The following LMTK2 variants were observed in gnomAD, a reference collection of about 807,000 sequenced individuals.
LMTK2 encodes the protein serine/threonine-protein kinase LMTK2.
Under a neutral mutation model 127.5 loss-of-function variants are expected in LMTK2, and 37 were observed. The observed-to-expected ratio is 0.29, with a 90% CI of 0.22 to 0.38. The LOEUF (loss-of-function observed/expected upper bound fraction) is 0.38, where lower values mean the gene tolerates loss of function less well. LMTK2 is among the 10% of genes least tolerant of loss of function. The pLI is 1.00. For missense variants in LMTK2, 1,694 were observed against 1,920.3 expected, an observed-to-expected ratio of 0.88 and a Z score of 2.20; for synonymous variants, 819 against 810.1, an observed-to-expected ratio of 1.01 and a Z score of -0.19.
intron 7 of LMTK2, among the ~76,000 whole-genome samples, chr7:98,182,787 A>G (rs1479779731): frequency 6.6e-6 from 1 of 152,276 alleles, no homozygotes; most frequent in Non-Finnish European, 1.5e-5. Context: ...TTGTACACCC[A>G]TGTTCATACC....
chr7:98,154,861 A>C lies in LMTK2; in HGVS notation c.554A>C (p.Asn185Thr). 1 of 1,599,998 alleles carries C rather than the reference A, an allele frequency of 6.3e-7. No homozygotes were observed. The highest frequency in any genetic ancestry group is 1.1e-5 in the South Asian group (1 of 90,838). ...AAGGAACAAGATACTTTTTTGAAAA[A>C]TGGAGAACCTTACTAGTAAGTAAAC... ...NPKEQDTFLK[N>T]GEPYYILQHP... Residue 185 changes from asparagine (N) to threonine (T), a missense_variant, in exon 5 of 14, where the codon AAT (asparagine) becomes ACT (threonine). Around this residue, in one of 8 missense-constraint regions of LMTK2, gnomAD observed 203 missense variants for 226.2 expected, o/e 0.90. Coordinates refer to ENST00000297293, the MANE Select transcript of LMTK2 (RefSeq NM_014916.4).
At chr7:98,170,913 C>T (rs1024012646) in intron 6 of LMTK2, among the ~76,000 whole-genome samples, 1 of 152,128 alleles carries the variant, frequency 6.6e-6, no homozygotes, top group East Asian at 1.9e-4. Flanking sequence ...GCTCAGGTTG[C>T]TCCCCTTTGA....
rs1375009772 is a variant in LMTK2, at chr7:98,206,276, G to C, written c.*784G>C. 1 of 152,268 alleles carries C rather than the reference G, an allele frequency of 6.6e-6. No individual in the cohort carries two copies. The highest frequency in any genetic ancestry group is 2.4e-5 in the African/African-American group (1 of 41,466). 9.4% of individuals were successfully genotyped at this position (152,268 alleles called of 1,614,324 possible). ...ATACCACTGTTTTGTTGATGGACTT[G>C]AATGCATTTTTGTCTCTTCTTGATG... On this transcript the variant is annotated 3_prime_UTR_variant, in exon 14 of 14. Transcript: ENST00000297293.
At chr7:98,170,944 G>T (rs567154571) in intron 6 of LMTK2, among the ~76,000 whole-genome samples, 1 of 152,276 alleles carries the variant, frequency 6.6e-6, no homozygotes, top group African/African-American at 2.4e-5. Flanking sequence ...TGTTAACGTG[G>T]TGAGTTTTTC....
At position 98,194,850 on chromosome 7, in the gene LMTK2, T is replaced by G. The variant is rs1031038036; in HGVS notation, c.4107+278T>G. 6.6e-6 allele frequency among the ~76,000 whole-genome samples: 1 copy of G among 152,108 alleles called. No homozygotes were observed. The highest frequency in any genetic ancestry group is 2.4e-5 in the African/African-American group (1 of 41,386). On this transcript the variant is annotated intron_variant, in intron 11 of 13. Coordinates refer to ENST00000297293, the MANE Select transcript of LMTK2 (RefSeq NM_014916.4). This position sits in a 1 kb window ranked among gnomAD's most constrained non-coding sequence, Gnocchi z 5.4. ...ATTAGTCACCCTTTACACACCAAAT[T>G]TTTACTGTTTTACTTTTTTATTTTT...
In LMTK2 at chr7:98,194,354, G is replaced by A; in HGVS notation, c.3889G>A (p.Asp1297Asn). 1 of 1,614,134 alleles carries A rather than the reference G, an allele frequency of 6.2e-7. No individual in the cohort carries two copies. Among genetic ancestry groups the A allele is most frequent in the Non-Finnish European group, 8.5e-7 (1 of 1,180,010 alleles). The part of the protein sequence containing the change: ...EDENSDDSDE[D>N]LRAFNLHSLS... ...CGAAAACAGCGACGACTCGGACGAG[G>A]ACCTGCGGGCCTTCAACCTGCATAG... Residue 1297 changes from aspartate (D) to asparagine (N), a missense_variant, in exon 11 of 14, where the codon GAC (aspartate) becomes AAC (asparagine). Around this residue, in one of 8 missense-constraint regions of LMTK2, gnomAD observed 554 missense variants for 567.7 expected, o/e 0.98. Transcript: ENST00000297293. The surrounding 1 kb of genome is among the most constrained non-coding windows in gnomAD (Gnocchi z 5.4).
At chr7:98,133,452 C>T (rs779867852) in intron 1 of LMTK2, among the ~76,000 whole-genome samples, 6 of 151,770 alleles carry the variant, frequency 4.0e-5, no homozygotes, top group Non-Finnish European at 8.8e-5. Context: ...TCTCACCTTC[C>T]AGCCTATGTT....
At chr7:98,178,188 C>A (rs181281383) in intron 7 of LMTK2, among the ~76,000 whole-genome samples, 2 of 152,108 alleles carry the variant, frequency 1.3e-5, no homozygotes, top group Non-Finnish European at 2.9e-5. Flanking sequence ...AGTAACTTTC[C>A]GGTATTTTGC....
At chr7:98,154,000 T>C (rs1370795634) in intron 4 of LMTK2, among the ~76,000 whole-genome samples, 2 of 152,272 alleles carry the variant, frequency 1.3e-5, no homozygotes, top group Non-Finnish European at 2.9e-5. Flanking sequence ...AATTAATCTA[T>C]TTTAAAAGGA....
At chr7:98,196,845 A>G (rs1011888484) in intron 11 of LMTK2, among the ~76,000 whole-genome samples, 1 of 152,200 alleles carries the variant, frequency 6.6e-6, no homozygotes, top group African/African-American at 2.4e-5. Context: ...GTCAAGGAGA[A>G]AGTCGGAAGG....
intron 1 of LMTK2, among the ~76,000 whole-genome samples, chr7:98,130,553 C>G (rs1260025644): frequency 6.6e-6 from 1 of 152,034 alleles, no homozygotes; most frequent in African/African-American, 2.4e-5. Flanking sequence ...AGAATGGGAC[C>G]TTATTTGGAG....
chr7:98,182,826 A>G (rs1216780806), intron 7 of LMTK2, among the ~76,000 whole-genome samples: 1 of 152,244 alleles, frequency 6.6e-6, no homozygotes, highest in Non-Finnish European at 1.5e-5. Context: ...TGAAATATGG[A>G]AGAAATGTAA....
At chr7:98,167,890 A>G (rs900731192) in intron 6 of LMTK2, among the ~76,000 whole-genome samples, 11 of 152,324 alleles carry the variant, frequency 7.2e-5, no homozygotes, top group Non-Finnish European at 1.2e-4. Flanking sequence ...TGGGATAAGA[A>G]GAAACGCAGG....
chr7:98,109,909 C>T (rs980224240), intron 1 of LMTK2, among the ~76,000 whole-genome samples: 5 of 152,032 alleles, frequency 3.3e-5, no homozygotes, highest in African/African-American at 1.2e-4. Context: ...CTAATCCTGA[C>T]TAGTGAGCTC....
At chr7:98,185,313 G>A (rs964791256) in intron 8 of LMTK2, among the ~76,000 whole-genome samples, 178 bp downstream of exon 8, 3 of 152,160 alleles carry the variant, frequency 2.0e-5, no homozygotes, top group Admixed American at 6.5e-5. Flanking sequence ...GTAAGTCTGC[G>A]GCTTTGCATC....
intron 1 of LMTK2, among the ~76,000 whole-genome samples, chr7:98,131,362 A>T (rs1796517748): frequency 6.6e-6 from 1 of 151,526 alleles, no homozygotes; most frequent in South Asian, 2.1e-4. Context: ...AATGTTTGCC[A>T]CTCTCCCTCT....
rs1444596326 is a variant in LMTK2, at chr7:98,193,077, C to T, written c.2612C>T (p.Ser871Leu). The change falls in exon 11 of 14, where the codon TCA becomes TTA. Residue 871 changes from serine to leucine, a missense_variant. Ser to Leu is a moderately radical substitution (Grantham distance 145, BLOSUM62 -2). Coordinates refer to ENST00000297293, the MANE Select transcript of LMTK2 (RefSeq NM_014916.4). This position sits in a 1 kb window ranked among gnomAD's most constrained non-coding sequence, Gnocchi z 4.1. The stretch of plus-strand genomic sequence containing the variant: ...GTGACTGTCCCGGTTGAAATTCTCT[C>T]AACTGATGCCAGAACCCACAGCCTG... ...DAVTVPVEIL[S>L]TDARTHSLDN... 1.9e-6 allele frequency: 3 copies of T among 1,613,706 alleles called. No homozygotes were observed. In the African/African-American group the frequency reaches 4.0e-5, roughly 22 times the overall value.
rs1584292699 is a variant in LMTK2 at position 98,191,797 on chromosome 7, C to A, written c.1332C>A (p.Phe444Leu). The A allele has an allele frequency of 6.2e-7, 1 of 1,614,192 alleles. No individual in the cohort carries two copies. The highest frequency in any genetic ancestry group is 8.5e-7 in the Non-Finnish European group (1 of 1,180,038). Reference sequence around the variant, plus strand: ...GAGACTCCTCCAACAATGCTGCATTCCCAATTCTCGACCACTTTGCCAGGG... The same window carrying A: ...GAGACTCCTCCAACAATGCTGCATTACCAATTCTCGACCACTTTGCCAGGG... ...NSRDSSNNAAFPILDHFARDR... is the reference protein window; with the variant it reads ...NSRDSSNNAALPILDHFARDR... Residue 444 changes from phenylalanine (F) to leucine (L), a missense_variant, in exon 11 of 14, where the codon TTC becomes TTA. This residue lies in a region of LMTK2 where 216 missense variants were observed against 266.8 expected (regional missense o/e 0.81). Coordinates refer to ENST00000297293, the MANE Select transcript of LMTK2 (RefSeq NM_014916.4).
At chr7:98,166,129 G>A (rs1465115178) in intron 6 of LMTK2, among the ~76,000 whole-genome samples, 4 of 152,194 alleles carry the variant, frequency 2.6e-5, no homozygotes, top group African/African-American at 7.2e-5. Flanking sequence ...AGGCCCTTCC[G>A]GTCTTCCCTG....
Sources: allele counts gnomAD v4.1 joint callset (sites outside exome capture counted in the v4.1 genomes callset), GRCh38; gene constraint gnomAD v4.1.1; regional missense constraint gnomAD v4.1.1; non-coding constraint Gnocchi (gnomAD v3.1); transcripts MANE v1.5; gene names NCBI Gene and HGNC (gene_info 2026-07-23, HGNC 2026-07-21).